The following PHKB variants were observed in gnomAD, a reference collection of about 807,000 sequenced individuals.
PHKB encodes phosphorylase b kinase regulatory subunit beta.
A neutral mutation model predicts 152.1 loss-of-function variants in PHKB; 122 were observed. The ratio of observed to expected loss-of-function variants is 0.80; its 90% CI spans 0.69 to 0.93. The LOEUF is 0.93. PHKB is among the 40% of genes least tolerant of loss of function. The probability of loss-of-function intolerance (pLI) is 0.00; values close to 1 mark genes in which losing one functional copy is unlikely to be tolerated. For missense variants in PHKB, 1,304 were observed against 1,328.4 expected, an observed-to-expected ratio of 0.98 and a Z score of 0.29; for synonymous variants, 436 against 464.9, an observed-to-expected ratio of 0.94 and a Z score of 0.80.
intron 16 of PHKB, among the ~76,000 whole-genome samples, chr16:47,642,140 G>A (rs1973035414): frequency 6.6e-6 from 1 of 151,120 alleles, no homozygotes; most frequent in Admixed American, 6.6e-5. Context: ...ATATTTAGGT[G>A]TGAGAAGGTT....
intron 7 of PHKB, among the ~76,000 whole-genome samples, chr16:47,550,436 C>T (rs1248604394): frequency 6.6e-6 from 1 of 152,230 alleles, no homozygotes; most frequent in Admixed American, 6.5e-5. Flanking sequence ...TGAATTAATA[C>T]ATAGTAATAC....
intron 13 of PHKB, among the ~76,000 whole-genome samples, chr16:47,605,857 T>C (rs2151706838): frequency 6.6e-6 from 1 of 152,314 alleles, no homozygotes; most frequent in South Asian, 2.1e-4. Context: ...AGAATGTCAG[T>C]GTTCTTAAAG....
At chr16:47,680,072 T>C (rs1379456854) in intron 26 of PHKB, among the ~76,000 whole-genome samples, 1 of 152,260 alleles carries the variant, frequency 6.6e-6, no homozygotes, top group African/African-American at 2.4e-5. Context: ...GGATTACATT[T>C]ATTGATTTTC....
Position 47,656,706 on chromosome 16 carries a change from A to AT in PHKB, c.1972-3790dup, listed in dbSNP as rs528968969. 1.6e-3 allele frequency among the ~76,000 whole-genome samples: 235 copies of AT among 148,422 alleles called. 1 individual carries two copies. The highest frequency in any genetic ancestry group is 4.3e-3 in the East Asian group (22 of 5,100). On this transcript the variant is annotated intron_variant, in intron 20 of 30. Transcript: ENST00000323584. ...TCATTCCCCCCACACTCCAGCCTCC[A>AT]TTTTTTTTTTACTAATATAATAAAT...
chr16:47,648,675 G>A, intron 17 of PHKB, 59 bp downstream of exon 17: 1 of 1,069,040 alleles, frequency 9.4e-7, no homozygotes, highest in Middle Eastern at 2.0e-4. Context: ...ATACTGAAAT[G>A]GTGCTTGACC....
At chr16:47,461,315 C>G (rs756148881), upstream of PHKB, 1 of 1,545,044 alleles carries the variant, frequency 6.5e-7, no homozygotes, top group Non-Finnish European at 8.8e-7. Flanking sequence ...GACAGGCGGC[C>G]CCGGGGGCGG....
At chr16:47,636,675 G>A (rs1364270567) in intron 14 of PHKB, among the ~76,000 whole-genome samples, 2 of 152,222 alleles carry the variant, frequency 1.3e-5, no homozygotes, top group African/African-American at 4.8e-5. Context: ...GCCCCCTCTG[G>A]GCTTTGAGCG....
intron 13 of PHKB, among the ~76,000 whole-genome samples, chr16:47,606,253 A>G (rs1276450459): frequency 2.0e-5 from 3 of 152,224 alleles, no homozygotes; most frequent in Non-Finnish European, 4.4e-5. Context: ...CCTGGAAGAT[A>G]CCCCAGGATA....
At chr16:47,476,324 C>A (rs749901124) in intron 1 of PHKB, among the ~76,000 whole-genome samples, 1 of 152,050 alleles carries the variant, frequency 6.6e-6, no homozygotes, top group Non-Finnish European at 1.5e-5. Context: ...TTTGTGGAAT[C>A]TTTTTATATA....
chr16:47,494,995 A>T (rs1970208092), intron 1 of PHKB, among the ~76,000 whole-genome samples: 1 of 152,196 alleles, frequency 6.6e-6, no homozygotes, highest in Admixed American at 6.5e-5. Flanking sequence ...CACTAAAATA[A>T]TAACATTTAT....
In PHKB at chr16:47,581,241, A is replaced by T. The variant is rs537969046; in HGVS notation, c.774+883A>T. 2.0e-5 allele frequency among the ~76,000 whole-genome samples: 3 copies of T among 152,350 alleles called. No individual in the cohort carries two copies. The East Asian group carries it at 5.8e-4, about 29-fold the overall frequency. ...ATTTAAGAATGTTTTTAATTGTAGT[A>T]TATTAATGCAGCCACCTCTCTTCTC... On this transcript the variant is annotated intron_variant, in intron 8 of 30. Transcript: ENST00000323584.
At chr16:47,513,510 G>A (rs1970545258) in intron 5 of PHKB, among the ~76,000 whole-genome samples, 2 of 152,138 alleles carry the variant, frequency 1.3e-5, no homozygotes, top group Non-Finnish European at 2.9e-5. Context: ...GATATCCAAT[G>A]GACTCTTGAC....
Position 47,587,743 on chromosome 16 carries a change from C to A in PHKB, c.850C>A (p.Pro284Thr). The stretch of plus-strand genomic sequence containing the variant: ...CAGGCAAACTTTGTGCTCGCTGTTA[C>A]CCAGAGAATCAAGATCACATGTGAG... ...RNRQTLCSLLPRESRSHNTDA... is the reference protein window; with the variant it reads ...RNRQTLCSLLTRESRSHNTDA... The change falls in exon 9 of 31, where the codon CCC becomes ACC. Residue 284 changes from proline (P) to threonine (T), a missense_variant. Coordinates refer to ENST00000323584, the MANE Select transcript of PHKB (RefSeq NM_000293.3). The A allele has an allele frequency of 6.2e-7, 1 of 1,611,468 alleles. No individual in the cohort carries two copies. Among genetic ancestry groups the A allele is most frequent in the Non-Finnish European group, 8.5e-7 (1 of 1,177,766 alleles).
At chr16:47,471,356 TA>T (rs1341784441) in intron 1 of PHKB, among the ~76,000 whole-genome samples, 1 of 152,114 alleles carries the variant, frequency 6.6e-6, no homozygotes, top group Non-Finnish European at 1.5e-5. Flanking sequence ...AATTTTATTA[TA>T]AATGGAAGGG....
chr16:47,554,552 G>C (rs1432396340), intron 7 of PHKB, among the ~76,000 whole-genome samples: 1 of 152,060 alleles, frequency 6.6e-6, no homozygotes. Flanking sequence ...AGTTCCAGGT[G>C]CCACTGGTGT....
chr16:47,487,246 G>A (rs1259774640), intron 1 of PHKB, among the ~76,000 whole-genome samples: 6 of 152,064 alleles, frequency 3.9e-5, no homozygotes, highest in Admixed American at 3.9e-4. Context: ...TATTGCTTCA[G>A]GCAATGAGGA....
chr16:47,521,694 G>A (rs112859878), intron 6 of PHKB, among the ~76,000 whole-genome samples: 1 of 151,676 alleles, frequency 6.6e-6, no homozygotes, highest in African/African-American at 2.4e-5. Context: ...TGTTATCTGT[G>A]GGTTTTTTTG....
rs527395673 is a variant in PHKB, at chr16:47,581,840, C to T, written c.774+1482C>T. Among the ~76,000 whole-genome samples the T allele has an allele frequency of 2.6e-4, 39 of 152,180 alleles. No individual in the cohort carries two copies. The South Asian group carries it at 6.0e-3, about 24-fold the overall frequency. On this transcript the variant is annotated intron_variant, in intron 8 of 30. Coordinates refer to ENST00000323584, the MANE Select transcript of PHKB (RefSeq NM_000293.3). ...GATTACAGGCGGCTGCCACCACGCC[C>T]GGCTAATTTTTGTATTTTTAGTTGA... is the stretch of plus-strand genomic sequence containing the variant.
chr16:47,537,628 A>C (rs1036671104), intron 6 of PHKB, among the ~76,000 whole-genome samples: 5 of 152,138 alleles, frequency 3.3e-5, no homozygotes, highest in African/African-American at 1.2e-4. Context: ...CCTCATATAA[A>C]TTTTATTGAA....
Sources: gnomAD v4.1 joint callset for allele counts (sites outside exome capture counted in the v4.1 genomes callset) on GRCh38, gnomAD v4.1.1 for gene constraint, MANE v1.5 for transcripts, NCBI Gene and HGNC (gene_info 2026-07-23, HGNC 2026-07-21) for gene names.